The following HECTD4 variants were observed in gnomAD, a reference collection of about 807,000 sequenced individuals.
HECTD4 encodes HECT domain E3 ubiquitin protein ligase 4.
Under a neutral mutation model 471.5 loss-of-function variants are expected in HECTD4, and 114 were observed. The observed-to-expected ratio is 0.24, with a 90% confidence interval of 0.21 to 0.28. HECTD4 has a LOEUF of 0.28. Among genes scored for constraint, HECTD4 ranks in the 10% least tolerant of loss-of-function variants. The pLI, the probability that HECTD4 is intolerant of heterozygous loss-of-function variation, is 1.00. For synonymous variants in HECTD4, 2,012 were observed against 2,256.0 expected, an observed-to-expected ratio of 0.89 and a Z score of 3.07; for missense variants, 3,866 against 5,651.5, an observed-to-expected ratio of 0.68 and a Z score of 10.13.
chr12:112,373,113 C>T (rs931726544), intron 1 of HECTD4, among the ~76,000 whole-genome samples: 1 of 152,140 alleles, frequency 6.6e-6, no homozygotes, highest in Non-Finnish European at 1.5e-5. Context: ...GATAGTATAA[C>T]ATAATAGTTC....
chr12:112,300,953 C>T (rs1287638697), intron 7 of HECTD4, among the ~76,000 whole-genome samples: 11 of 151,786 alleles, frequency 7.2e-5, no homozygotes, highest in Non-Finnish European at 1.6e-4. Context: ...GGCACAATCT[C>T]GGCTCACTGC....
intron 43 of HECTD4, 200 bp from the exon 44 acceptor site, chr12:112,226,958 C>T (rs952546638): frequency 2.2e-6 from 1 of 455,984 alleles, no homozygotes; most frequent in Non-Finnish European, 3.9e-6. Flanking sequence ...ACAGTAACTG[C>T]TGACACTGCA....
At chr12:112,236,106 A>AT (rs990233389) in intron 35 of HECTD4, among the ~76,000 whole-genome samples, 6 of 152,108 alleles carry the variant, frequency 3.9e-5, no homozygotes, top group Non-Finnish European at 5.9e-5. Context: ...TTATTCTTTC[A>AT]TTTTTTTAAC....
chr12:112,294,203 A>G (rs2034956109), intron 7 of HECTD4, among the ~76,000 whole-genome samples: 1 of 152,174 alleles, frequency 6.6e-6, no homozygotes. Flanking sequence ...GTGAGCACTT[A>G]TCAATACTCC....
At chr12:112,378,185 T>C (rs1160304106) in intron 1 of HECTD4, among the ~76,000 whole-genome samples, 1 of 152,136 alleles carries the variant, frequency 6.6e-6, no homozygotes, top group African/African-American at 2.4e-5. Context: ...GGGACATTAT[T>C]ATCTCTAAAG....
chr12:112,207,106 ATGTG>A (rs200619281), intron 52 of HECTD4, among the ~76,000 whole-genome samples: 22 of 148,134 alleles, frequency 1.5e-4, no homozygotes, highest in Non-Finnish European at 2.7e-4. Context: ...GTTTATGTAT[ATGTG>A]TGTGTGTGTA....
In HECTD4 at chr12:112,204,592, T is replaced by C; in HGVS notation, c.8163A>G (p.Glu2721=). The change falls in exon 53 of 76, where the codon GAA becomes GAG. Residue 2721 remains glutamate, a synonymous_variant. Transcript: ENST00000682272. ...GMVDIARQTV[E]FLYEENGGIP... ...TGCCACCATTCTCTTCGTAGAGAAA[T>C]TCAACCGTCTGTCGGGCAATATCCA... 6.2e-7 allele frequency: 1 copy of C among 1,613,548 alleles called. No individual in the cohort carries two copies. Among genetic ancestry groups the C allele is most frequent in the Non-Finnish European group, 8.5e-7 (1 of 1,179,522 alleles).
Position 112,274,980 on chromosome 12 carries a change from G to C in HECTD4, c.1688-20C>G. On this transcript the variant is annotated intron_variant, in intron 9 of 75. Coordinates refer to ENST00000682272, the MANE Select transcript of HECTD4 (RefSeq NM_001388303.1). ...CTAGGACTTTGGAAACAAACATTAA[G>C]CTGTTTAATGAGCCTGAAGATTATT... The C allele has an allele frequency of 7.5e-7, 1 of 1,333,762 alleles. No homozygotes were observed. Among genetic ancestry groups the C allele is most frequent in the Non-Finnish European group, 1.0e-6 (1 of 954,506 alleles). The allele number at this position is 1,333,762 out of a possible 1,614,324, so 82.6% of individuals were successfully genotyped here.
Position 112,243,693 on chromosome 12 carries a change from C to G in HECTD4, c.4718G>C (p.Ser1573Thr). ...GACACTGTAGGTGGGCTTGTCCCTG[C>G]TGTCCTCAATGGCCAGCGACTGCAG... ...TLLQSLAIED[S>T]RDKPTYSVLL... Residue 1573 changes from serine to threonine, a missense_variant, in exon 31 of 76, where the codon AGC becomes ACC. Around this residue, in one of 16 missense-constraint regions of HECTD4, gnomAD observed 229 missense variants for 386.4 expected, o/e 0.59. Coordinates refer to ENST00000682272, the MANE Select transcript of HECTD4 (RefSeq NM_001388303.1). The surrounding 1 kb of genome is among the most constrained non-coding windows in gnomAD (Gnocchi z 6.6). 9.3e-6 allele frequency: 15 copies of G among 1,613,864 alleles called. No individual in the cohort carries two copies. Among genetic ancestry groups the G allele is most frequent in the Non-Finnish European group, 1.3e-5 (15 of 1,179,782 alleles).
At chr12:112,275,767 C>T (rs1306957172) in intron 9 of HECTD4, among the ~76,000 whole-genome samples, 1 of 152,082 alleles carries the variant, frequency 6.6e-6, no homozygotes, top group Non-Finnish European at 1.5e-5. Flanking sequence ...TCGTGCCTAA[C>T]TTAAGTTATA....
At chr12:112,282,739 G>A (rs1441912819) in intron 8 of HECTD4, among the ~76,000 whole-genome samples, 5 of 152,146 alleles carry the variant, frequency 3.3e-5, no homozygotes, top group Admixed American at 6.5e-5. Context: ...AATATCTACT[G>A]TAGAAGGCTT....
At chr12:112,260,919 A>T (rs2034131617) in intron 18 of HECTD4, among the ~76,000 whole-genome samples, 1 of 152,140 alleles carries the variant, frequency 6.6e-6, no homozygotes, top group Non-Finnish European at 1.5e-5. Context: ...CATCAGTGTC[A>T]TCCTTTGTGT....
At chr12:112,244,374 T>A (rs937223108) in intron 29 of HECTD4, among the ~76,000 whole-genome samples, 1 of 152,114 alleles carries the variant, frequency 6.6e-6, no homozygotes, top group Non-Finnish European at 1.5e-5. Flanking sequence ...AATTTTTCAA[T>A]TTCTTATTTT....
chr12:112,341,972 G>A (rs1239092657), intron 1 of HECTD4, among the ~76,000 whole-genome samples: 1 of 152,130 alleles, frequency 6.6e-6, no homozygotes, highest in Non-Finnish European at 1.5e-5. Flanking sequence ...AGACCCCAAA[G>A]GTTTGCTCAT....
intron 54 of HECTD4, chr12:112,203,410 A>G: frequency 2.4e-6 from 1 of 423,438 alleles, no homozygotes. Context: ...AGGCGGCCAC[A>G]GCTTTGAGAC....
chr12:112,334,207 T>TTAAATAAA (rs35774693), intron 1 of HECTD4, among the ~76,000 whole-genome samples: 1,531 of 142,694 alleles, frequency 0.011, 14 homozygotes, highest in Middle Eastern at 0.021. Context: ...AGACTCCCTC[T>TTAAATAAA]TAAATAAATA....
rs57209316 is a variant in HECTD4, at chr12:112,189,550, C to CAAAAAAAAAAAAA, written c.9472+1223_9472+1235dup. Among the ~76,000 whole-genome samples, 43 of 30,460 alleles carry CAAAAAAAAAAAAA rather than the reference C, an allele frequency of 1.4e-3. 2 individuals carry two copies. Among genetic ancestry groups the CAAAAAAAAAAAAA allele is most frequent in the African/African-American group, 4.6e-3 (41 of 8,896 alleles). 20.0% of individuals were successfully genotyped at this position (30,460 alleles called of 152,430 possible). A position where few individuals can be genotyped will look rare whatever the true frequency, so the allele number is the denominator to read the frequency against. On this transcript the variant is annotated intron_variant, in intron 60 of 75. Coordinates refer to ENST00000682272, the MANE Select transcript of HECTD4 (RefSeq NM_001388303.1). ...TGGGCGACAGAGCGAGACTCCGTCT[C>CAAAAAAAAAAAAA]AAAAAAAAAAAAAAAAAAAAAAAAA...
At chr12:112,238,952 A>G (rs1483787002) in intron 34 of HECTD4, 100 bp downstream of exon 34, 9 of 1,154,310 alleles carry the variant, frequency 7.8e-6, no homozygotes, top group Non-Finnish European at 1.1e-5. Context: ...CATGTCATTT[A>G]ATAGAGGCTT....
intron 1 of HECTD4, among the ~76,000 whole-genome samples, chr12:112,343,549 C>A (rs1056994622): frequency 6.6e-6 from 1 of 152,064 alleles, no homozygotes; most frequent in Non-Finnish European, 1.5e-5. Flanking sequence ...GAGGGAGGAT[C>A]ACTTGAGGTG....
Sources: allele counts gnomAD v4.1 joint callset (sites outside exome capture counted in the v4.1 genomes callset), GRCh38; gene constraint gnomAD v4.1.1; regional missense constraint gnomAD v4.1.1; non-coding constraint Gnocchi (gnomAD v3.1); transcripts MANE v1.5; gene names NCBI Gene and HGNC (gene_info 2026-07-23, HGNC 2026-07-21).